PCDH15: variants seen among roughly 807,000 people sequenced by gnomAD.
PCDH15 encodes the protein protocadherin-15.
Under a neutral mutation model 178.5 loss-of-function variants are expected in PCDH15, and 129 were observed. The observed-to-expected ratio is 0.72, with a 90% confidence interval of 0.63 to 0.84. The LOEUF is 0.84. PCDH15 is among the 40% of genes least tolerant of loss of function. PCDH15 has a pLI of 0.00. For missense variants in PCDH15, 2,230 were observed against 2,099.9 expected (o/e 1.06, Z -1.21); for synonymous variants, 800 against 732.0 (o/e 1.09, Z -1.50).
rs377756993 is a variant in PCDH15, at chr10:54,153,125, C to G, written c.1759G>C (p.Asp587His). 8 of 1,613,858 alleles carry G rather than the reference C, an allele frequency of 5.0e-6. No individual in the cohort carries two copies. Among genetic ancestry groups the G allele is most frequent in the Non-Finnish European group, 6.8e-6 (8 of 1,179,844 alleles). The change falls in exon 14 of 38, where the codon GAT becomes CAT. Residue 587 changes from aspartate (D) to histidine (H), a missense_variant. By Grantham distance (81) the Asp-to-His change is moderately conservative. Coordinates refer to ENST00000644397, the MANE Select transcript of PCDH15 (RefSeq NM_001384140.1). The stretch of plus-strand genomic sequence containing the variant: ...CTTCGCTCTGCAGGAGGAGCATTAT[C>G]CGCTGCTTGGACCGTGAGTGCGTAA... ...RTYALTVQAA[D>H]NAPPAERRNS...
At chr10:54,955,290 CTTTT>C (rs1838455419) in intron 2 of PCDH15, among the ~76,000 whole-genome samples, 1 of 151,124 alleles carries the variant, frequency 6.6e-6, no homozygotes, top group Non-Finnish European at 1.5e-5. Context: ...AACTTTTGTT[CTTTT>C]GTTTTTCTTT....
At chr10:54,663,689 T>TGCC (rs1038518886) in intron 2 of PCDH15, among the ~76,000 whole-genome samples, 26 of 114,402 alleles carry the variant, frequency 2.3e-4, no homozygotes, top group African/African-American at 9.3e-4. Context: ...TTTCTATTCT[T>TGCC]CCCAAAAAAA....
At chr10:55,094,026 G>A (rs1842383840) in intron 2 of PCDH15, among the ~76,000 whole-genome samples, 1 of 152,040 alleles carries the variant, frequency 6.6e-6, no homozygotes, top group African/African-American at 2.4e-5. Flanking sequence ...ATTTGACCCA[G>A]GGAACCCATT....
chr10:54,792,269 A>G (rs999732885), intron 1 of PCDH15, among the ~76,000 whole-genome samples: 1 of 151,940 alleles, frequency 6.6e-6, no homozygotes, highest in African/African-American at 2.4e-5. Context: ...CAAAAATTGC[A>G]CCATCTCTAC....
intron 18 of PCDH15, among the ~76,000 whole-genome samples, chr10:54,028,730 T>C (rs1268004211): frequency 2.7e-5 from 4 of 148,476 alleles, no homozygotes; most frequent in African/African-American, 5.0e-5. Flanking sequence ...TAGGTGGGAA[T>C]TGAACAATGA....
intron 2 of PCDH15, among the ~76,000 whole-genome samples, chr10:55,545,885 C>T (rs1841870445): frequency 6.6e-6 from 1 of 151,878 alleles, no homozygotes; most frequent in South Asian, 2.1e-4. Flanking sequence ...ACTTCCTATC[C>T]AACATTTAAT....
chr10:54,038,774 T>C (rs1052183759), intron 18 of PCDH15, among the ~76,000 whole-genome samples: 2 of 151,974 alleles, frequency 1.3e-5, no homozygotes, highest in African/African-American at 4.8e-5. Context: ...CAAGCCTCTA[T>C]CTTGGATTGG....
intron 2 of PCDH15, among the ~76,000 whole-genome samples, chr10:55,606,342 A>G (rs1843215663): frequency 1.4e-5 from 2 of 139,032 alleles, no homozygotes; most frequent in Admixed American, 1.5e-4. Context: ...TACAGATTCA[A>G]TGCCATCCCC....
intron 2 of PCDH15, among the ~76,000 whole-genome samples, chr10:55,452,705 C>T (rs1839462910): frequency 6.6e-6 from 1 of 151,954 alleles, no homozygotes; most frequent in African/African-American, 2.4e-5. Flanking sequence ...AACCAACAAA[C>T]CCCCCAGAAA....
intron 8 of PCDH15, among the ~76,000 whole-genome samples, chr10:54,259,910 A>C (rs377610221): frequency 1.3e-5 from 2 of 152,178 alleles, no homozygotes; most frequent in Non-Finnish European, 2.9e-5. Flanking sequence ...AAATGTAAAC[A>C]TGGCCTTAAT....
At chr10:54,154,609 A>T in intron 13 of PCDH15, among the ~76,000 whole-genome samples, 1 of 152,204 alleles carries the variant, frequency 6.6e-6, no homozygotes, top group East Asian at 1.9e-4. Flanking sequence ...TCCTCAATAA[A>T]TGTAAACAAA....
chr10:54,238,702 C>A (rs1044444423), intron 8 of PCDH15, among the ~76,000 whole-genome samples: 2 of 151,602 alleles, frequency 1.3e-5, no homozygotes, highest in Non-Finnish European at 2.9e-5. Context: ...CACACACACA[C>A]ACACACACAC....
At chr10:54,390,283 CTTTTGTTTTG>C (rs71007847) in intron 3 of PCDH15, among the ~76,000 whole-genome samples, 9 of 150,850 alleles carry the variant, frequency 6.0e-5, no homozygotes, top group South Asian at 2.1e-4. Flanking sequence ...TGACCTATAC[CTTTTGTTTTG>C]TTTTGTTTTG....
chr10:55,305,507 A>G (rs563689990), intron 1 of PCDH15, among the ~76,000 whole-genome samples: 1 of 152,214 alleles, frequency 6.6e-6, no homozygotes, highest in Admixed American at 6.5e-5. Context: ...CCCTCATGGC[A>G]CAGAGCTGCC....
At chr10:54,360,215 G>A (rs978674) in intron 5 of PCDH15, among the ~76,000 whole-genome samples, 17,440 of 152,034 alleles carry the variant, frequency 0.11, 1,776 homozygotes, top group African/African-American at 0.28. Flanking sequence ...CCGCTTACCT[G>A]TCTTGATTGT....
chr10:55,552,548 C>T (rs1842021295), intron 2 of PCDH15, among the ~76,000 whole-genome samples: 1 of 150,990 alleles, frequency 6.6e-6, no homozygotes, highest in Admixed American at 6.6e-5. Context: ...CTTTGTGTTC[C>T]CAAATCAAAA....
At chr10:55,021,780 CG>C (rs1840335499) in intron 2 of PCDH15, among the ~76,000 whole-genome samples, 1 of 151,994 alleles carries the variant, frequency 6.6e-6, no homozygotes, top group African/African-American at 2.4e-5. Flanking sequence ...AAGAACATAC[CG>C]TCACTTGTGA....
intron 10 of PCDH15, among the ~76,000 whole-genome samples, chr10:54,200,511 G>A (rs913208303): frequency 2.0e-5 from 3 of 151,696 alleles, no homozygotes; most frequent in Non-Finnish European, 2.9e-5. Flanking sequence ...TTCTTAGATC[G>A]CAAGTGCTCA....
chr10:54,917,896 A>T (rs1040972801), intron 2 of PCDH15, among the ~76,000 whole-genome samples: 1 of 152,206 alleles, frequency 6.6e-6, no homozygotes, highest in Non-Finnish European at 1.5e-5. Context: ...GGTGGAGGAT[A>T]TCAATACTAA....
Sources: allele counts gnomAD v4.1 joint callset (sites outside exome capture counted in the v4.1 genomes callset), GRCh38; gene constraint gnomAD v4.1.1; transcripts MANE v1.5; gene names NCBI Gene and HGNC (gene_info 2026-07-23, HGNC 2026-07-21).